Variants in RIMS2 observed in about 807,000 individuals in gnomAD.
The protein encoded by RIMS2 is regulating synaptic membrane exocytosis protein 2.
In RIMS2, 59 loss-of-function variants were observed where a neutral mutation model predicts 174.4. The ratio of observed to expected loss-of-function variants is 0.34; its 90% CI spans 0.27 to 0.42. The LOEUF is 0.42. Ranked by LOEUF, RIMS2 falls within the 10% of genes least tolerant of loss-of-function variation. RIMS2 has a pLI of 1.00. For synonymous variants in RIMS2, 606 were observed against 572.5 expected, an observed-to-expected ratio of 1.06 and a Z score of -0.84; for missense variants, 1,620 against 1,666.3, an observed-to-expected ratio of 0.97 and a Z score of 0.48.
At chr8:103,613,719 A>G (rs1365570968) in intron 1 of RIMS2, among the ~76,000 whole-genome samples, 3 of 152,130 alleles carry the variant, frequency 2.0e-5, no homozygotes, top group African/African-American at 7.2e-5. Flanking sequence ...ACTGCTGGTT[A>G]TTCCGGGACC....
chr8:103,570,225 C>G (rs574859165), intron 1 of RIMS2, among the ~76,000 whole-genome samples: 2 of 152,226 alleles, frequency 1.3e-5, no homozygotes, highest in South Asian at 2.1e-4. Context: ...TTCTAGACCT[C>G]TCATCTAAAC....
chr8:103,722,714 G>A (rs78892918), intron 2 of RIMS2, among the ~76,000 whole-genome samples: 4,551 of 152,188 alleles, frequency 0.03, 73 homozygotes, highest in African/African-American at 0.046. Context: ...TGATCTGTTG[G>A]GGGTATCCTT....
chr8:104,037,708 A>G (rs1411116417), intron 19 of RIMS2, among the ~76,000 whole-genome samples: 1 of 152,192 alleles, frequency 6.6e-6, no homozygotes, highest in Non-Finnish European at 1.5e-5. Flanking sequence ...TAGTTTGCAC[A>G]AAATTTTACA....
At chr8:103,828,349 A>C (rs1015916292) in intron 3 of RIMS2, among the ~76,000 whole-genome samples, 1 of 152,186 alleles carries the variant, frequency 6.6e-6, no homozygotes, top group Non-Finnish European at 1.5e-5. Flanking sequence ...ATCTTGATAA[A>C]GTATTCAATT....
chr8:104,138,129 C>A (rs1332133513), intron 19 of RIMS2, among the ~76,000 whole-genome samples: 3 of 152,136 alleles, frequency 2.0e-5, no homozygotes, highest in Non-Finnish European at 4.4e-5. Flanking sequence ...GGATTTCATT[C>A]TTTTATATGG....
chr8:103,912,097 T>C, exon 6 of RIMS2: 2 of 1,606,262 alleles, frequency 1.2e-6, no homozygotes, highest in Non-Finnish European at 1.7e-6. Context: ...ATCGTTTAAT[T>C]GGTCGCATTT....
At chr8:104,190,527 T>C (rs1164065050) in intron 19 of RIMS2, among the ~76,000 whole-genome samples, 3 of 152,088 alleles carry the variant, frequency 2.0e-5, no homozygotes, top group African/African-American at 7.2e-5. Context: ...AATTTCCTTT[T>C]TAGGCTTTGT....
intron 2 of RIMS2, among the ~76,000 whole-genome samples, chr8:103,758,450 AG>A (rs1236121653): frequency 1.3e-5 from 2 of 152,226 alleles, no homozygotes; most frequent in Non-Finnish European, 2.9e-5. Context: ...CCAAGCCTAC[AG>A]CTTCTAGGAA....
chr8:103,623,976 TA>T (rs1278927872), intron 1 of RIMS2, among the ~76,000 whole-genome samples: 1 of 152,066 alleles, frequency 6.6e-6, no homozygotes, highest in Admixed American at 6.5e-5. Flanking sequence ...AATGGTCAAT[TA>T]AATCCAGAAT....
chr8:103,545,581 C>A (rs1000203344), intron 1 of RIMS2, among the ~76,000 whole-genome samples: 18 of 152,152 alleles, frequency 1.2e-4, no homozygotes, highest in African/African-American at 4.3e-4. Context: ...ACGTCAGATT[C>A]TCCAAGGTCG....
chr8:103,755,560 G>T (rs1485430708), intron 2 of RIMS2, among the ~76,000 whole-genome samples: 1 of 152,154 alleles, frequency 6.6e-6, no homozygotes, highest in Non-Finnish European at 1.5e-5. Flanking sequence ...TCGCTTGCAG[G>T]TACACCAGTC....
chr8:103,564,790 A>C (rs2092124766), intron 1 of RIMS2, among the ~76,000 whole-genome samples: 1 of 152,182 alleles, frequency 6.6e-6, no homozygotes, highest in Admixed American at 6.5e-5. Context: ...CACTGACTCA[A>C]ATGTTAATCC....
At chr8:103,971,994 T>C (rs577158869) in intron 15 of RIMS2, among the ~76,000 whole-genome samples, 1 of 152,328 alleles carries the variant, frequency 6.6e-6, no homozygotes, top group African/African-American at 2.4e-5. Flanking sequence ...TGGCCTGAAC[T>C]CTATTCTTGG....
chr8:104,170,715 A>G (rs1372710166), intron 19 of RIMS2, among the ~76,000 whole-genome samples: 1 of 151,824 alleles, frequency 6.6e-6, no homozygotes, highest in African/African-American at 2.4e-5. Context: ...TGTTACCTAG[A>G]TACTTTTTTT....
intron 17 of RIMS2, among the ~76,000 whole-genome samples, chr8:103,995,028 C>A (rs2094984220): frequency 6.6e-6 from 1 of 151,844 alleles, no homozygotes; most frequent in African/African-American, 2.4e-5. Context: ...AGCAGTAAAG[C>A]CCAACATCAC....
chr8:103,539,754 C>G (rs1163016347), intron 1 of RIMS2, among the ~76,000 whole-genome samples: 2 of 152,244 alleles, frequency 1.3e-5, no homozygotes, highest in African/African-American at 2.4e-5. Context: ...GAAATGTCCT[C>G]TCTTCCAACC....
intron 1 of RIMS2, among the ~76,000 whole-genome samples, chr8:103,504,846 CTTT>C (rs11367763): frequency 3.3e-4 from 31 of 95,056 alleles, no homozygotes; most frequent in Non-Finnish European, 4.3e-4. Context: ...TTCTTTCTTT[CTTT>C]TTTTTTTTTT....
At chr8:104,069,666 A>C (rs2097164777) in intron 19 of RIMS2, among the ~76,000 whole-genome samples, 1 of 151,624 alleles carries the variant, frequency 6.6e-6, no homozygotes. Context: ...ACGAGGTTTC[A>C]CTATTGTTGG....
intron 3 of RIMS2, among the ~76,000 whole-genome samples, chr8:103,865,043 C>T (rs2099078015): frequency 6.6e-6 from 1 of 151,948 alleles, no homozygotes; most frequent in Admixed American, 6.6e-5. Context: ...AAACTATTTC[C>T]CTTCATAGCA....
Sources: gnomAD v4.1 joint callset for allele counts (sites outside exome capture counted in the v4.1 genomes callset) on GRCh38, gnomAD v4.1.1 for gene constraint, MANE v1.5 for transcripts, NCBI Gene and HGNC (gene_info 2026-07-23, HGNC 2026-07-21) for gene names.